The following VEPH1 variants were observed in gnomAD, a reference collection of about 807,000 sequenced individuals.
VEPH1 encodes the protein ventricular zone-expressed PH domain-containing protein homolog 1.
A neutral mutation model predicts 85.2 loss-of-function variants in VEPH1; 80 were observed. The ratio of observed to expected loss-of-function variants is 0.94; its 90% CI spans 0.78 to 1.13. The LOEUF (loss-of-function observed/expected upper bound fraction) is 1.13, where lower values mean the gene tolerates loss of function less well. Among genes scored for constraint, VEPH1 ranks in the 50% most tolerant of loss-of-function variants. VEPH1 has a pLI of 0.00. For synonymous variants in VEPH1, 297 were observed against 348.0 expected, an observed-to-expected ratio of 0.85 and a Z score of 1.63; for missense variants, 955 against 980.5, an observed-to-expected ratio of 0.97 and a Z score of 0.35.
intron 4 of VEPH1, among the ~76,000 whole-genome samples, 169 bp from the exon 5 acceptor site, chr3:157,428,657 A>G (rs1373882627): frequency 6.6e-6 from 1 of 152,224 alleles, no homozygotes; most frequent in Non-Finnish European, 1.5e-5. Flanking sequence ...TTAAAATGTG[A>G]TTTAATCCGA....
At chr3:157,492,091 A>G (rs4680373) in intron 2 of VEPH1, among the ~76,000 whole-genome samples, 97,577 of 151,932 alleles carry the variant, frequency 0.64, 31,733 homozygotes, top group African/African-American at 0.74. Flanking sequence ...AAGTCCACTC[A>G]TATGAGTGGG....
chr3:157,496,315 T>G (rs1309753424), intron 1 of VEPH1, among the ~76,000 whole-genome samples: 3 of 152,222 alleles, frequency 2.0e-5, no homozygotes, highest in African/African-American at 7.2e-5. Context: ...ATCTGATTAT[T>G]CTCATCAGCT....
intron 1 of VEPH1, among the ~76,000 whole-genome samples, chr3:157,502,108 C>T (rs1740161346): frequency 6.6e-6 from 1 of 152,168 alleles, no homozygotes; most frequent in African/African-American, 2.4e-5. Context: ...CTGTGGCGTG[C>T]TGCTACACTT....
chr3:157,429,908 A>G, intron 4 of VEPH1, among the ~76,000 whole-genome samples: 1 of 152,350 alleles, frequency 6.6e-6, no homozygotes, highest in East Asian at 1.9e-4. Flanking sequence ...AACTCACTAC[A>G]GAGGCCCTGG....
intron 9 of VEPH1, among the ~76,000 whole-genome samples, chr3:157,341,608 A>G (rs945588119): frequency 3.9e-5 from 6 of 152,238 alleles, no homozygotes; most frequent in African/African-American, 1.4e-4. Flanking sequence ...TCTTCAGGAT[A>G]TTATCCAGGA....
At chr3:157,390,547 T>C (rs1325086620) in intron 6 of VEPH1, among the ~76,000 whole-genome samples, 2 of 152,236 alleles carry the variant, frequency 1.3e-5, no homozygotes, top group African/African-American at 4.8e-5. Context: ...TTTTCTAAGA[T>C]GGCAGATTAG....
intron 9 of VEPH1, among the ~76,000 whole-genome samples, chr3:157,352,274 C>T (rs1283913849): frequency 6.6e-6 from 1 of 152,212 alleles, no homozygotes; most frequent in Admixed American, 6.5e-5. Context: ...AATAACTCAA[C>T]TACTGGATTC....
At chr3:157,486,609 A>G (rs1738676412) in intron 2 of VEPH1, among the ~76,000 whole-genome samples, 1 of 152,120 alleles carries the variant, frequency 6.6e-6, no homozygotes, top group Non-Finnish European at 1.5e-5. Context: ...TTACATTATT[A>G]GCCTTTCTAT....
rs201853660 is a variant in VEPH1 at position 157,313,676 on chromosome 3, C to T, written c.1955G>A (p.Gly652Glu). ...LRALWEKTQA[G>E]GAHSFETAMM... ...GGCAGTTTCAAAGCTGTGAGCACCCCCTGCCTGGGTCTTCTCCCACAGAGC... is the reference window on the plus strand; with the variant it reads ...GGCAGTTTCAAAGCTGTGAGCACCCTCTGCCTGGGTCTTCTCCCACAGAGC... The change falls in exon 11 of 14, where the codon GGG (glycine) becomes GAG (glutamate). Residue 652 changes from glycine (G) to glutamate (E), a missense_variant. Gly to Glu is a moderately conservative substitution (Grantham distance 98). Coordinates refer to ENST00000362010, the MANE Select transcript of VEPH1 (RefSeq NM_001167912.2). 4 of 1,614,042 alleles carry T rather than the reference C, an allele frequency of 2.5e-6. No individual in the cohort carries two copies. Among genetic ancestry groups the T allele is most frequent in the African/African-American group, 2.7e-5 (2 of 74,914 alleles).
intron 11 of VEPH1, among the ~76,000 whole-genome samples, chr3:157,308,944 T>C (rs985362014): frequency 6.6e-6 from 1 of 152,176 alleles, no homozygotes; most frequent in African/African-American, 2.4e-5. Flanking sequence ...TGGCACATTC[T>C]AAATGACCAG....
chr3:157,481,644 A>G (rs932348324), intron 2 of VEPH1, among the ~76,000 whole-genome samples: 1 of 152,010 alleles, frequency 6.6e-6, no homozygotes, highest in Non-Finnish European at 1.5e-5. Flanking sequence ...TTTTGTTGCA[A>G]TTGTGGTTGA....
intron 9 of VEPH1, among the ~76,000 whole-genome samples, chr3:157,349,749 CAAG>C (rs986167713): frequency 1.3e-5 from 2 of 152,064 alleles, no homozygotes; most frequent in East Asian, 3.9e-4. Flanking sequence ...AAAAAGAAAT[CAAG>C]AAGGCAATGC....
At chr3:157,421,379 GC>G (rs1256722139) in intron 5 of VEPH1, among the ~76,000 whole-genome samples, 1 of 152,122 alleles carries the variant, frequency 6.6e-6, no homozygotes, top group Non-Finnish European at 1.5e-5. Context: ...TCCCTAGAGA[GC>G]TCACTCAGTT....
intron 1 of VEPH1, 112 bp from the exon 2 acceptor site, chr3:157,495,618 G>T: frequency 2.2e-6 from 1 of 451,854 alleles, no homozygotes. Context: ...GGAAACATGT[G>T]CCTAGACTAA....
At chr3:157,459,909 G>A (rs1180012227) in intron 4 of VEPH1, 9 of 1,537,054 alleles carry the variant, frequency 5.9e-6, no homozygotes, top group Non-Finnish European at 7.8e-6. Context: ...CAGAAGCACG[G>A]AAATGCAGTT....
chr3:157,304,018 A>T (rs1196383340), intron 11 of VEPH1, among the ~76,000 whole-genome samples: 3 of 64,878 alleles, frequency 4.6e-5, no homozygotes, highest in Admixed American at 2.3e-4. Context: ...CTCATCTTAT[A>T]TTTTTTATAT....
chr3:157,285,591 T>C (rs1388678556), intron 12 of VEPH1, among the ~76,000 whole-genome samples: 4 of 152,254 alleles, frequency 2.6e-5, no homozygotes, highest in Non-Finnish European at 5.9e-5. Context: ...CACAGTCTTT[T>C]TAACACTGCT....
intron 12 of VEPH1, among the ~76,000 whole-genome samples, chr3:157,269,856 T>C (rs892227752): frequency 3.3e-5 from 5 of 152,160 alleles, no homozygotes; most frequent in African/African-American, 1.2e-4. Context: ...GGTATGATCA[T>C]GTATCATCTA....
chr3:157,330,587 A>G (rs181879854), intron 9 of VEPH1, among the ~76,000 whole-genome samples: 1 of 152,302 alleles, frequency 6.6e-6, no homozygotes, highest in African/African-American at 2.4e-5. Context: ...AGCAAATGGG[A>G]TAAACAATGA....
Sources: allele counts gnomAD v4.1 joint callset (sites outside exome capture counted in the v4.1 genomes callset), GRCh38; gene constraint gnomAD v4.1.1; transcripts MANE v1.5; gene names NCBI Gene and HGNC (gene_info 2026-07-23, HGNC 2026-07-21).